The following GRM3 variants were observed in gnomAD, a reference collection of about 807,000 sequenced individuals.
GRM3 encodes the protein glutamate metabotropic receptor 3.
GRM3 carries 26 observed loss-of-function variants against 70.5 expected under a neutral mutation model. The observed-to-expected ratio is 0.37, with a 90% CI of 0.27 to 0.51. GRM3 has a LOEUF of 0.51. Ranked by LOEUF, GRM3 falls within the 20% of genes least tolerant of loss-of-function variation. The pLI is 0.93. For missense variants in GRM3, 859 were observed against 1,123.8 expected, an observed-to-expected ratio of 0.76 and a Z score of 3.37; for synonymous variants, 443 against 434.9, an observed-to-expected ratio of 1.02 and a Z score of -0.23.
intron 1 of GRM3, among the ~76,000 whole-genome samples, chr7:86,743,710 G>T (rs1338009359): frequency 6.6e-6 from 1 of 152,094 alleles, no homozygotes; most frequent in Non-Finnish European, 1.5e-5. Context: ...TACAACAAGG[G>T]CCTGTTGGTA....
intron 1 of GRM3, among the ~76,000 whole-genome samples, chr7:86,723,565 G>A (rs1338687004): frequency 4.6e-5 from 7 of 152,090 alleles, no homozygotes; most frequent in Admixed American, 2.6e-4. Context: ...TTTACCAAAC[G>A]AGTTAAAAAA....
At chr7:86,746,488 A>G (rs1057028105) in intron 1 of GRM3, among the ~76,000 whole-genome samples, 2 of 122,302 alleles carry the variant, frequency 1.6e-5, no homozygotes, top group Non-Finnish European at 3.6e-5. Flanking sequence ...ACTTAGAATG[A>G]AAAAAAAAAT....
intron 1 of GRM3, among the ~76,000 whole-genome samples, chr7:86,686,085 ACT>A (rs1459313304): frequency 4.6e-5 from 7 of 152,246 alleles, no homozygotes; most frequent in African/African-American, 1.7e-4. Flanking sequence ...GTTATGTCAG[ACT>A]CTCACACTAT....
At chr7:86,660,027 A>T (rs918639582) in intron 1 of GRM3, among the ~76,000 whole-genome samples, 1 of 152,068 alleles carries the variant, frequency 6.6e-6, no homozygotes, top group Non-Finnish European at 1.5e-5. Context: ...GTCCTACTTT[A>T]TTCTTTTACC....
chr7:86,739,970 A>G (rs1795949528), intron 1 of GRM3, among the ~76,000 whole-genome samples: 1 of 152,220 alleles, frequency 6.6e-6, no homozygotes, highest in Non-Finnish European at 1.5e-5. Flanking sequence ...TAAAGAAAAC[A>G]GTGCTTGTGT....
chr7:86,842,808 A>G (rs943720617), intron 4 of GRM3, among the ~76,000 whole-genome samples: 1 of 152,236 alleles, frequency 6.6e-6, no homozygotes, highest in African/African-American at 2.4e-5. Context: ...GTTTATAATT[A>G]AATTGATGAT....
chr7:86,840,105 T>C (rs1798532403), intron 4 of GRM3, among the ~76,000 whole-genome samples, 200 bp downstream of exon 4: 1 of 152,210 alleles, frequency 6.6e-6, no homozygotes, highest in African/African-American at 2.4e-5. Context: ...CAGAGCACTG[T>C]GCTAGGCACA....
intron 2 of GRM3, among the ~76,000 whole-genome samples, chr7:86,774,503 T>C (rs1440313236): frequency 6.6e-6 from 1 of 152,154 alleles, no homozygotes; most frequent in Non-Finnish European, 1.5e-5. Context: ...AACAAAGTTT[T>C]GATTCTTGCC....
chr7:86,763,475 A>G (rs1044380020), intron 1 of GRM3, among the ~76,000 whole-genome samples: 10 of 151,988 alleles, frequency 6.6e-5, no homozygotes, highest in Admixed American at 2.0e-4. Flanking sequence ...CAGCAGGTAC[A>G]TAGGTTCATG....
intron 1 of GRM3, among the ~76,000 whole-genome samples, chr7:86,684,692 C>A (rs937745393): frequency 6.6e-6 from 1 of 152,052 alleles, no homozygotes; most frequent in Admixed American, 6.6e-5. Context: ...GTGTTAAAAT[C>A]GAAAATATGG....
In GRM3 at chr7:86,786,536, C is replaced by G. The variant is rs547307901; in HGVS notation, c.744C>G (p.Gly248=). The part of the protein sequence containing the change: ...NICIATAEKV[G]RSNIRKSYDS... Reference sequence around the variant, plus strand: ...GCATCGCTACGGCGGAGAAGGTGGGCCGCTCCAACATCCGCAAGTCCTACG... The same window carrying G: ...GCATCGCTACGGCGGAGAAGGTGGGGCGCTCCAACATCCGCAAGTCCTACG... The change falls in exon 3 of 6, where the codon GGC becomes GGG. Residue 248 remains glycine, a synonymous_variant. Coordinates refer to ENST00000361669, the MANE Select transcript of GRM3 (RefSeq NM_000840.3). This position sits in a 1 kb window ranked among gnomAD's most constrained non-coding sequence, Gnocchi z 6.0. 2.5e-5 allele frequency: 41 copies of G among 1,614,050 alleles called. No homozygotes were observed. In the East Asian group the frequency reaches 8.9e-4, roughly 35 times the overall value.
intron 3 of GRM3, among the ~76,000 whole-genome samples, chr7:86,810,872 T>A (rs1562871751): frequency 2.6e-5 from 4 of 152,006 alleles, no homozygotes; most frequent in Admixed American, 2.6e-4. Context: ...ACACATTGCA[T>A]ACAAATATAC....
At chr7:86,648,176 C>T (rs551123224) in intron 1 of GRM3, among the ~76,000 whole-genome samples, 2 of 150,476 alleles carry the variant, frequency 1.3e-5, no homozygotes, top group South Asian at 4.3e-4. Flanking sequence ...TTTTTGCACA[C>T]TTATATATGT....
chr7:86,770,645 A>C (rs1796716550), intron 2 of GRM3, among the ~76,000 whole-genome samples: 2 of 152,102 alleles, frequency 1.3e-5, no homozygotes, highest in Admixed American at 6.6e-5. Flanking sequence ...ATTTGTATTA[A>C]GCATTGGTTT....
At chr7:86,852,293 A>G (rs753410527) in intron 5 of GRM3, among the ~76,000 whole-genome samples, 4 of 151,788 alleles carry the variant, frequency 2.6e-5, no homozygotes, top group Admixed American at 6.6e-5. Context: ...AGCAGAGTCC[A>G]TAAGTCTTCC....
chr7:86,844,928 C>G (rs1431235812), intron 4 of GRM3, among the ~76,000 whole-genome samples: 3 of 151,996 alleles, frequency 2.0e-5, no homozygotes, highest in African/African-American at 7.3e-5. Context: ...TCGCTCTTGT[C>G]ACCCAGGCTA....
intron 3 of GRM3, among the ~76,000 whole-genome samples, chr7:86,832,029 T>C (rs1205366085): frequency 1.3e-5 from 2 of 152,168 alleles, no homozygotes; most frequent in Admixed American, 6.5e-5. Flanking sequence ...TTCATTCTTA[T>C]TCTTTCCTAT....
chr7:86,718,680 C>T (rs1436038366), intron 1 of GRM3, among the ~76,000 whole-genome samples: 1 of 151,846 alleles, frequency 6.6e-6, no homozygotes, highest in African/African-American at 2.4e-5. Context: ...AAAAGAGTGT[C>T]AAACTAGAAA....
intron 3 of GRM3, among the ~76,000 whole-genome samples, chr7:86,801,260 G>A (rs1797676868): frequency 6.6e-6 from 1 of 151,850 alleles, no homozygotes; most frequent in African/African-American, 2.4e-5. Context: ...TAGTCGAGAC[G>A]GGGTTTCACT....
Sources: gnomAD v4.1 joint callset for allele counts (sites outside exome capture counted in the v4.1 genomes callset) on GRCh38, gnomAD v4.1.1 for gene constraint, Gnocchi (gnomAD v3.1) non-coding constraint, MANE v1.5 for transcripts, NCBI Gene and HGNC (gene_info 2026-07-23, HGNC 2026-07-21) for gene names.